The following KIAA0319 variants were observed in gnomAD, a reference collection of about 807,000 sequenced individuals.
KIAA0319 encodes dyslexia-associated protein KIAA0319.
KIAA0319 carries 83 observed loss-of-function variants against 108.4 expected under a neutral mutation model. That is an observed-to-expected ratio of 0.77 (90% CI 0.64 to 0.92). KIAA0319 has a LOEUF of 0.92. Ranked by LOEUF, KIAA0319 falls within the 40% of genes least tolerant of loss-of-function variation. KIAA0319 has a pLI of 0.00. For missense variants in KIAA0319, 1,195 were observed against 1,322.4 expected (o/e 0.90, Z 1.49); for synonymous variants, 484 against 510.4 (o/e 0.95, Z 0.70).
At chr6:24,586,526 T>C (rs1767519213) in intron 4 of KIAA0319, among the ~76,000 whole-genome samples, 3 of 152,182 alleles carry the variant, frequency 2.0e-5, no homozygotes, top group Admixed American at 2.0e-4. Context: ...ATAATGAACC[T>C]CACTCTTGCT....
intron 1 of KIAA0319, among the ~76,000 whole-genome samples, chr6:24,613,536 C>G (rs1039886487): frequency 4.6e-5 from 7 of 152,124 alleles, no homozygotes; most frequent in Admixed American, 6.5e-5. Context: ...GACATTTACA[C>G]TTCACTCCTA....
intron 1 of KIAA0319, among the ~76,000 whole-genome samples, chr6:24,620,204 C>T (rs990859281): frequency 3.9e-5 from 6 of 152,168 alleles, no homozygotes; most frequent in Non-Finnish European, 7.3e-5. Context: ...TGGACTGTGG[C>T]ACTCCAGAAC....
Position 24,579,823 on chromosome 6 carries a change from A to G in KIAA0319, c.1372+35T>C, listed in dbSNP as rs756147886. 9.1e-6 allele frequency: 14 copies of G among 1,537,116 alleles called. No individual in the cohort carries two copies. In the East Asian group the frequency reaches 2.8e-4, roughly 31 times the overall value. ...ATTACATTTCGTAGCACGTAGAGAA[A>G]AAAAGAAATCCCTAAACTATCTCAG... On this transcript the variant is annotated intron_variant, in intron 8 of 20. Transcript: ENST00000378214.
At position 24,599,106 on chromosome 6, in the gene KIAA0319, T is replaced by C; in HGVS notation, c.55+1943A>G. The C allele has an allele frequency of 2.9e-6, 2 of 694,192 alleles. 1 individual carries two copies. The highest frequency in any genetic ancestry group is 5.1e-6 in the Non-Finnish European group (2 of 395,012). 43.0% of individuals were successfully genotyped at this position (694,192 alleles called of 1,614,324 possible). ...TGTGGTGCTGTCCATGGACAACAGC[T>C]GGTCCCTGGACATGGACAGCATCAT... is the stretch of plus-strand genomic sequence containing the variant. On this transcript the variant is annotated intron_variant, in intron 2 of 20. Coordinates refer to ENST00000378214, the MANE Select transcript of KIAA0319 (RefSeq NM_014809.4). This position sits in a 1 kb window ranked among gnomAD's most constrained non-coding sequence, Gnocchi z 4.1.
intron 1 of KIAA0319, among the ~76,000 whole-genome samples, chr6:24,605,439 A>G (rs1457511609): frequency 6.6e-6 from 1 of 152,116 alleles, no homozygotes; most frequent in South Asian, 2.1e-4. Context: ...CTCTTGCTGG[A>G]CCCATGCTCT....
intron 1 of KIAA0319, among the ~76,000 whole-genome samples, chr6:24,627,899 A>G (rs544007036): frequency 8.5e-5 from 13 of 152,350 alleles, no homozygotes; most frequent in African/African-American, 2.9e-4. Context: ...TAAACTACTC[A>G]AATAACAGCA....
At chr6:24,550,124 C>A (rs1411549942) in intron 20 of KIAA0319, among the ~76,000 whole-genome samples, 2 of 152,192 alleles carry the variant, frequency 1.3e-5, no homozygotes, top group South Asian at 4.1e-4. Flanking sequence ...CTCTTCCTGC[C>A]AAAGCCCTAT....
chr6:24,622,409 T>C (rs941843471), intron 1 of KIAA0319, among the ~76,000 whole-genome samples: 1 of 150,892 alleles, frequency 6.6e-6, no homozygotes, highest in Non-Finnish European at 1.5e-5. Flanking sequence ...TAAACCACAA[T>C]TAATATCAAT....
intron 12 of KIAA0319, 126 bp from the exon 13 acceptor site, chr6:24,569,055 A>C (rs961835307): frequency 6.3e-6 from 6 of 954,904 alleles, no homozygotes; most frequent in African/African-American, 1.6e-5. Flanking sequence ...GAGAATTCTA[A>C]GAAAACTCCA....
chr6:24,630,599 G>GA (rs1395094555), intron 1 of KIAA0319, among the ~76,000 whole-genome samples: 1 of 59,870 alleles, frequency 1.7e-5, no homozygotes, highest in Non-Finnish European at 2.6e-5. Flanking sequence ...TACATTCCTA[G>GA]AAAAAAATTA....
At chr6:24,568,258 CCT>C (rs1047943625) in intron 13 of KIAA0319, among the ~76,000 whole-genome samples, 3 of 152,192 alleles carry the variant, frequency 2.0e-5, no homozygotes, top group Non-Finnish European at 4.4e-5. Flanking sequence ...TCATTCAACA[CCT>C]CTGATTTGCC....
chr6:24,553,302 C>T (rs397834297), intron 19 of KIAA0319, among the ~76,000 whole-genome samples: 4,864 of 103,980 alleles, frequency 0.047, 119 homozygotes, highest in Non-Finnish European at 0.057. Context: ...TATACACACA[C>T]ACACACACAC....
rs201851685 is a variant in KIAA0319, at chr6:24,554,535, A to G, written c.2948+6T>C. 4 of 1,601,006 alleles carry G rather than the reference A, an allele frequency of 2.5e-6. No homozygotes were observed. The highest frequency in any genetic ancestry group is 2.7e-5 in the African/African-American group (2 of 74,712). On this transcript the variant is annotated splice_donor_region_variant and intron_variant, in intron 19 of 20. Coordinates refer to ENST00000378214, the MANE Select transcript of KIAA0319 (RefSeq NM_014809.4). ...TCTATTTCCCAGGAATAAGCACTCT[A>G]GGTACCTTTTGCAGCAGCAGATGCA...
At chr6:24,597,190 G>A (rs771557978) in intron 2 of KIAA0319, among the ~76,000 whole-genome samples, 14 of 152,096 alleles carry the variant, frequency 9.2e-5, no homozygotes, top group Non-Finnish European at 1.6e-4. Context: ...ATAATACTTT[G>A]TTCCTCACAT....
intron 1 of KIAA0319, among the ~76,000 whole-genome samples, chr6:24,634,688 T>C (rs140548011): frequency 6.6e-6 from 1 of 152,310 alleles, no homozygotes; most frequent in East Asian, 1.9e-4. Context: ...GATAGGGAGA[T>C]TGTCCAAATA....
rs575734978 is a variant in KIAA0319 at position 24,545,972 on chromosome 6, C to T, written c.*1193G>A. 6.6e-6 allele frequency: 1 copy of T among 152,372 alleles called. No individual in the cohort carries two copies. Among genetic ancestry groups the T allele is most frequent in the South Asian group, 2.1e-4 (1 of 4,832 alleles). 9.4% of individuals were successfully genotyped at this position (152,372 alleles called of 1,614,324 possible). ...CAAGGGCACCACCAAGGCCACCAGCCTCAGGACCAAGGGTGGATGGGGAAC... is the reference window on the plus strand; with the variant it reads ...CAAGGGCACCACCAAGGCCACCAGCTTCAGGACCAAGGGTGGATGGGGAAC... On this transcript the variant is annotated 3_prime_UTR_variant, in exon 21 of 21. Transcript: ENST00000378214.
intron 1 of KIAA0319, among the ~76,000 whole-genome samples, chr6:24,608,529 T>A (rs952476018): frequency 2.6e-5 from 4 of 152,112 alleles, no homozygotes; most frequent in Non-Finnish European, 4.4e-5. Flanking sequence ...ATATTATTTT[T>A]AAAAATCATT....
downstream of KIAA0319, among the ~76,000 whole-genome samples, chr6:24,541,360 A>G (rs1486711129): frequency 6.6e-6 from 1 of 152,230 alleles, no homozygotes; most frequent in Admixed American, 6.5e-5. Context: ...TAAGAAAACC[A>G]GTCGATTGGA....
In KIAA0319 at chr6:24,566,751, A is replaced by G. The variant is rs1387653375; in HGVS notation, c.2141-3T>C. The G allele has an allele frequency of 1.2e-6, 2 of 1,603,580 alleles. No individual in the cohort carries two copies. Among genetic ancestry groups the G allele is most frequent in the Admixed American group, 1.7e-5 (1 of 57,630 alleles). On this transcript the variant is annotated splice_region_variant and splice_polypyrimidine_tract_variant and intron_variant, in intron 13 of 20. Coordinates refer to ENST00000378214, the MANE Select transcript of KIAA0319 (RefSeq NM_014809.4). ...GGCTCTGGGAGGACTATTATTTTCT[A>G]AGTCAAATATAGCAAAATGAAAGCA...
Sources: gnomAD v4.1 joint callset for allele counts (sites outside exome capture counted in the v4.1 genomes callset) on GRCh38, gnomAD v4.1.1 for gene constraint, Gnocchi (gnomAD v3.1) non-coding constraint, MANE v1.5 for transcripts, NCBI Gene and HGNC (gene_info 2026-07-23, HGNC 2026-07-21) for gene names.